Variants in WIPF3 observed in about 807,000 individuals in gnomAD.
The protein encoded by WIPF3 is WAS/WASL-interacting protein family member 3.
In WIPF3, 33 loss-of-function variants were observed where a neutral mutation model predicts 38.9. The ratio of observed to expected loss-of-function variants is 0.85; its 90% confidence interval spans 0.64 to 1.14. WIPF3 has a LOEUF of 1.14. WIPF3 is among the 50% of genes most tolerant of loss of function. The probability of loss-of-function intolerance (pLI) is 0.00; values close to 1 mark genes in which losing one functional copy is unlikely to be tolerated. For missense variants in WIPF3, 711 were observed against 652.5 expected, an observed-to-expected ratio of 1.09 and a Z score of -0.98; for synonymous variants, 324 against 269.3, an observed-to-expected ratio of 1.20 and a Z score of -1.99.
At chr7:29,877,935 T>C (rs1216795283) in intron 3 of WIPF3, among the ~76,000 whole-genome samples, 1 of 152,188 alleles carries the variant, frequency 6.6e-6, no homozygotes, top group Non-Finnish European at 1.5e-5. Flanking sequence ...TAATGTAAGG[T>C]ATTATTATGT....
intron 1 of WIPF3, among the ~76,000 whole-genome samples, 189 bp from the exon 2 acceptor site, chr7:29,834,479 A>G (rs174931): frequency 1.3e-5 from 2 of 151,986 alleles, no homozygotes; most frequent in Non-Finnish European, 2.9e-5. Flanking sequence ...GCTTTTGTCA[A>G]TCTCCAGCAC....
intron 2 of WIPF3, among the ~76,000 whole-genome samples, chr7:29,841,088 G>A (rs55722655): frequency 0.15 from 22,375 of 152,198 alleles, 1,763 homozygotes; most frequent in African/African-American, 0.17. Context: ...TTGGTTACAA[G>A]GTCAGGATTC....
chr7:29,912,052 G>A (rs10238751), intron 8 of WIPF3, among the ~76,000 whole-genome samples: 4,862 of 152,200 alleles, frequency 0.032, 98 homozygotes, highest in Middle Eastern at 0.1. Context: ...TAATATCCAT[G>A]ATATATACAG....
At position 29,834,778 on chromosome 7, in the gene WIPF3, G is replaced by A. The variant is rs1426054215; in HGVS notation, c.54G>A (p.Leu18=). 7.8e-6 allele frequency: 10 copies of A among 1,282,604 alleles called. No homozygotes were observed. Among genetic ancestry groups the A allele is most frequent in the Non-Finnish European group, 9.9e-6 (10 of 1,013,462 alleles). The allele number at this position is 1,282,604 out of a possible 1,614,324, so 79.5% of individuals were successfully genotyped here. ...CTCTGCCTCCACCTCCCCCGCCTCT[G>A]GGGGCTCCTCCCCCTCCCCCACCAT... is the stretch of plus-strand genomic sequence containing the variant. ...PPPLPPPPPP[L]GAPPPPPPSA... is the part of the protein sequence containing the mutation. The change falls in exon 2 of 9, where the codon CTG becomes CTA. Residue 18 remains leucine (L), a synonymous_variant. Transcript: ENST00000242140.
intron 7 of WIPF3, among the ~76,000 whole-genome samples, chr7:29,901,354 G>C (rs1786270831): frequency 6.8e-6 from 1 of 147,252 alleles, no homozygotes; most frequent in African/African-American, 2.5e-5. Flanking sequence ...CCCTGACTAA[G>C]TCCCGGCCAC....
At chr7:29,859,791 A>C (rs1785244887) in intron 2 of WIPF3, among the ~76,000 whole-genome samples, 1 of 152,162 alleles carries the variant, frequency 6.6e-6, no homozygotes, top group Non-Finnish European at 1.5e-5. Flanking sequence ...CATTTTACAT[A>C]AGTTTATAAG....
intron 7 of WIPF3, among the ~76,000 whole-genome samples, chr7:29,891,036 G>T (rs1261858588): frequency 6.8e-6 from 1 of 146,356 alleles, no homozygotes; most frequent in African/African-American, 2.6e-5. Context: ...CTGTGCTCAG[G>T]TGGAGGGGGC....
rs577496902 is a variant in WIPF3, at chr7:29,826,736, AG to A, written c.-57-7931del. 4.6e-5 allele frequency among the ~76,000 whole-genome samples: 7 copies of A among 152,320 alleles called. No homozygotes were observed. In the East Asian group the frequency reaches 1.3e-3, roughly 29 times the overall value. On this transcript the variant is annotated intron_variant, in intron 1 of 8. Coordinates refer to ENST00000242140, the MANE Select transcript of WIPF3 (RefSeq NM_001080529.3). ...TCCAAAATAAACTTACTTGACTGAA[AG>A]CATGACTTGATTTATAGTAAATGTT... is the stretch of plus-strand genomic sequence containing the variant.
intron 8 of WIPF3, among the ~76,000 whole-genome samples, chr7:29,913,763 A>G (rs1786549578): frequency 1.3e-5 from 2 of 152,250 alleles, no homozygotes; most frequent in South Asian, 2.1e-4. Flanking sequence ...TGCTTCTTCC[A>G]TAATGCCTCA....
intron 2 of WIPF3, among the ~76,000 whole-genome samples, chr7:29,839,035 G>A (rs1356892715): frequency 6.6e-6 from 1 of 152,140 alleles, no homozygotes; most frequent in Non-Finnish European, 1.5e-5. Context: ...GTAAAATTAT[G>A]AGGAAAAGCA....
At chr7:29,810,972 T>C (rs991361665) in intron 1 of WIPF3, among the ~76,000 whole-genome samples, 3 of 152,198 alleles carry the variant, frequency 2.0e-5, no homozygotes, top group African/African-American at 7.2e-5. Context: ...CACTACTGCC[T>C]CCAACTCCCA....
chr7:29,890,478 A>G (rs1005309312), intron 7 of WIPF3, among the ~76,000 whole-genome samples: 1 of 152,130 alleles, frequency 6.6e-6, no homozygotes, highest in Non-Finnish European at 1.5e-5. Context: ...GTGAGTGTCA[A>G]ATGCGTTCCC....
At chr7:29,886,114 T>C (rs951257914) in intron 5 of WIPF3, among the ~76,000 whole-genome samples, 1 of 152,132 alleles carries the variant, frequency 6.6e-6, no homozygotes, top group Non-Finnish European at 1.5e-5. Context: ...AGAAATACTT[T>C]TGTAGAAATT....
intron 7 of WIPF3, among the ~76,000 whole-genome samples, chr7:29,899,339 C>T (rs1786225037): frequency 6.6e-6 from 1 of 152,264 alleles, no homozygotes; most frequent in Non-Finnish European, 1.5e-5. Flanking sequence ...AGAAGCTCTT[C>T]CTGCCCTATC....
At chr7:29,819,969 A>G (rs1398409840) in intron 1 of WIPF3, among the ~76,000 whole-genome samples, 1 of 152,042 alleles carries the variant, frequency 6.6e-6, no homozygotes, top group Non-Finnish European at 1.5e-5. Flanking sequence ...ACACTTTAAT[A>G]TGTGTCTTCT....
chr7:29,836,701 A>C (rs1784807683), intron 2 of WIPF3, among the ~76,000 whole-genome samples: 1 of 152,254 alleles, frequency 6.6e-6, no homozygotes, highest in African/African-American at 2.4e-5. Context: ...ATTAAAACTT[A>C]CATCTGGCGG....
rs115299070 is a variant in WIPF3 at position 29,907,696 on chromosome 7, A to G, written c.1428+3334A>G. On this transcript the variant is annotated intron_variant, in intron 8 of 8. Coordinates refer to ENST00000242140, the MANE Select transcript of WIPF3 (RefSeq NM_001080529.3). ...TGAAGGCACCATCTAGCAGACAGCGAGCCCTCACAAGACACCATATCTGTT... is the reference window on the plus strand; with the variant it reads ...TGAAGGCACCATCTAGCAGACAGCGGGCCCTCACAAGACACCATATCTGTT... Among the ~76,000 whole-genome samples, 936 of 152,324 alleles carry G rather than the reference A, an allele frequency of 6.1e-3. 11 individuals carry two copies. Among genetic ancestry groups the G allele is most frequent in the African/African-American group, 0.021 (882 of 41,582 alleles).
At chr7:29,812,220 CA>C in intron 1 of WIPF3, among the ~76,000 whole-genome samples, 1 of 152,046 alleles carries the variant, frequency 6.6e-6, no homozygotes, top group African/African-American at 2.4e-5. Context: ...TTAAGCTCCC[CA>C]CTCCCGTATA....
At chr7:29,841,003 G>T (rs1200572728) in intron 2 of WIPF3, among the ~76,000 whole-genome samples, 1 of 152,120 alleles carries the variant, frequency 6.6e-6, no homozygotes, top group Non-Finnish European at 1.5e-5. Flanking sequence ...CGTAGCAGGG[G>T]GTTTTGCCAA....
Sources: allele counts gnomAD v4.1 joint callset (sites outside exome capture counted in the v4.1 genomes callset), GRCh38; gene constraint gnomAD v4.1.1; transcripts MANE v1.5; gene names NCBI Gene and HGNC (gene_info 2026-07-23, HGNC 2026-07-21).